Variants in LONRF1 observed in about 807,000 individuals in gnomAD.
LONRF1 encodes the protein LON peptidase N-terminal domain and ring finger 1, also known as LON peptidase N-terminal domain and RING finger protein 1.
A neutral mutation model predicts 85.8 loss-of-function variants in LONRF1; 37 were observed. The observed-to-expected ratio is 0.43, with a 90% CI of 0.33 to 0.57. The LOEUF (loss-of-function observed/expected upper bound fraction) is 0.57. Among genes scored for constraint, LONRF1 ranks in the 20% least tolerant of loss-of-function variants. The probability of loss-of-function intolerance (pLI) is 0.04; values close to 1 mark genes in which losing one functional copy is unlikely to be tolerated. For synonymous variants in LONRF1, 517 were observed against 390.1 expected (o/e 1.33, Z -3.83); for missense variants, 1,036 against 978.0 (o/e 1.06, Z -0.79).
Position 12,736,694 on chromosome 8 carries a change from T to C in LONRF1, c.1451+7A>G, listed in dbSNP as rs1188359181. The C allele has an allele frequency of 4.4e-6, 7 of 1,582,764 alleles. No individual in the cohort carries two copies. Among genetic ancestry groups the C allele is most frequent in the South Asian group, 3.4e-5 (3 of 88,120 alleles). On this transcript the variant is annotated splice_region_variant and intron_variant, in intron 6 of 11. Transcript: ENST00000398246. ...TATTCATCTTCTATAAAGTTTTATA[T>C]GCTTACCTCATGCAGAGAGAACACT...
intron 4 of LONRF1, 110 bp downstream of exon 4, chr8:12,737,885 G>C (rs1467736517): frequency 1.8e-6 from 2 of 1,118,312 alleles, no homozygotes; most frequent in Admixed American, 5.6e-5. Flanking sequence ...TAACTAACCA[G>C]GTTAAAAGTA....
intron 10 of LONRF1, among the ~76,000 whole-genome samples, chr8:12,727,561 T>C (rs1191503153): frequency 1.3e-5 from 2 of 152,162 alleles, no homozygotes; most frequent in Non-Finnish European, 2.9e-5. Context: ...TTTTAGAATG[T>C]GATTCTATTG....
At chr8:12,752,821 C>T (rs915065899) in intron 1 of LONRF1, among the ~76,000 whole-genome samples, 1 of 152,224 alleles carries the variant, frequency 6.6e-6, no homozygotes, top group Non-Finnish European at 1.5e-5. Flanking sequence ...ACTAAATCAG[C>T]AGTACTGTCC....
At chr8:12,745,799 AAT>A (rs1404239991) in intron 1 of LONRF1, among the ~76,000 whole-genome samples, 1 of 152,224 alleles carries the variant, frequency 6.6e-6, no homozygotes, top group Admixed American at 6.5e-5. Context: ...AATTGTATTG[AAT>A]ATGACTGTGG....
chr8:12,742,313 G>GT (rs1056016310), intron 2 of LONRF1, among the ~76,000 whole-genome samples: 3 of 152,202 alleles, frequency 2.0e-5, no homozygotes, highest in Admixed American at 2.0e-4. Flanking sequence ...ACTTAAAAGA[G>GT]TAACTTATAT....
At chr8:12,727,519 G>T (rs1326951869) in intron 10 of LONRF1, among the ~76,000 whole-genome samples, 1 of 151,806 alleles carries the variant, frequency 6.6e-6, no homozygotes, top group African/African-American at 2.4e-5. Flanking sequence ...GGACCAAAGA[G>T]GACTCGTTTA....
chr8:12,742,172 T>C (rs1798958544), intron 2 of LONRF1, among the ~76,000 whole-genome samples: 2 of 152,338 alleles, frequency 1.3e-5, no homozygotes, highest in South Asian at 2.1e-4. Context: ...TTATTCTGAA[T>C]ACATTTACTT....
At chr8:12,753,274 T>C (rs1326507832) in intron 1 of LONRF1, 4 of 152,228 alleles carry the variant, frequency 2.6e-5, no homozygotes, top group Non-Finnish European at 4.4e-5. Flanking sequence ...TAGTTCAATA[T>C]GACTAAGCAC....
intron 1 of LONRF1, among the ~76,000 whole-genome samples, chr8:12,745,321 G>GA (rs36196945): frequency 1.5e-3 from 184 of 122,286 alleles, no homozygotes; most frequent in East Asian, 2.9e-3. Context: ...TATTTTTTTG[G>GA]AAAAAAAAAA....
rs1799592749 is a variant in LONRF1 at position 12,755,198 on chromosome 8, G to C, written c.223C>G (p.Leu75Val). The change falls in exon 1 of 12, where the codon CTG becomes GTG. Residue 75 changes from leucine (L) to valine (V), a missense_variant. This residue lies in a region of LONRF1 where 742 missense variants were observed against 614.4 expected (regional missense o/e 1.21). Coordinates refer to ENST00000398246, the MANE Select transcript of LONRF1 (RefSeq NM_152271.5). Reference protein sequence around the residue: ...KGALEAFAAALRRGAPARPEC... With the variant: ...KGALEAFAAAVRRGAPARPEC... ...GGCCTGGCCGGGGCCCCGCGGCGCA[G>C]CGCCGCCGCGAACGCCTCCAGCGCG... 1.6e-6 allele frequency: 2 copies of C among 1,287,262 alleles called. No individual in the cohort carries two copies. The highest frequency in any genetic ancestry group is 2.5e-5 in the South Asian group (1 of 39,602). 79.7% of individuals were successfully genotyped at this position (1,287,262 alleles called of 1,614,324 possible).
intron 10 of LONRF1, 95 bp downstream of exon 10, chr8:12,728,806 A>T (rs1798418630): frequency 7.2e-7 from 1 of 1,383,276 alleles, no homozygotes; most frequent in East Asian, 2.3e-5. Flanking sequence ...TCTGATAAGA[A>T]CTGGTTCATG....
chr8:12,737,070 G>C lies in LONRF1; in HGVS notation c.1184C>G (p.Ser395Cys), dbSNP rs758982124. 21 of 1,613,590 alleles carry C rather than the reference G, an allele frequency of 1.3e-5. No individual in the cohort carries two copies. Among genetic ancestry groups the C allele is most frequent in the Non-Finnish European group, 1.7e-5 (20 of 1,179,684 alleles). The change falls in exon 5 of 12, where the codon TCT becomes TGT. Residue 395 changes from serine (S) to cysteine (C), a missense_variant. Physicochemically the swap from Ser to Cys is moderately radical, Grantham distance 112. Coordinates refer to ENST00000398246, the MANE Select transcript of LONRF1 (RefSeq NM_152271.5). Reference sequence around the variant, plus strand: ...GGCAGGCATTTCTGTTGAATTTATAGACTGTGCTGACTGAGCACGGTTTAA... The same window carrying C: ...GGCAGGCATTTCTGTTGAATTTATACACTGTGCTGACTGAGCACGGTTTAA... ...GSLNRAQSAQ[S>C]INSTEMPARE...
At chr8:12,753,419 G>A (rs1435373801) in intron 1 of LONRF1, 1 of 152,142 alleles carries the variant, frequency 6.6e-6, no homozygotes, top group African/African-American at 2.4e-5. Flanking sequence ...TCATGCCAAT[G>A]GATAGACACT....
Position 12,738,053 on chromosome 8 carries a change from A to T in LONRF1, c.1055T>A (p.Phe352Tyr). Residue 352 changes from phenylalanine (F) to tyrosine (Y), a missense_variant, in exon 4 of 12, where the codon TTT (phenylalanine) becomes TAT (tyrosine). Physicochemically the swap from Phe to Tyr is conservative, Grantham distance 22. This residue lies in a region of LONRF1 where 742 missense variants were observed against 614.4 expected (regional missense o/e 1.21). Transcript: ENST00000398246. ...CTCTTCCATCACTGAATGAAAATCA[A>T]AAGGTCTGTTTTTAGTACATGGTAA... is the stretch of plus-strand genomic sequence containing the variant. Reference protein sequence around the residue: ...SSLPCTKNRPFDFHSVMEESQ... With the variant: ...SSLPCTKNRPYDFHSVMEESQ... The T allele has an allele frequency of 1.2e-6, 2 of 1,610,740 alleles. No homozygotes were observed. Among genetic ancestry groups the T allele is most frequent in the Non-Finnish European group, 1.7e-6 (2 of 1,178,580 alleles).
Position 12,725,759 on chromosome 8 carries a change from C to T in LONRF1, c.2131G>A (p.Gly711Arg), listed in dbSNP as rs1335792135. Residue 711 changes from glycine to arginine, a missense_variant, in exon 11 of 12, where the codon GGA (glycine) becomes AGA (arginine). This residue lies in a region of LONRF1 where 265 missense variants were observed against 301.5 expected (regional missense o/e 0.88). Coordinates refer to ENST00000398246, the MANE Select transcript of LONRF1 (RefSeq NM_152271.5). ...TTTTCCTCCCTCTCGGGCATTGATC[C>T]GAAATGCTGAAGAATTTGGCTTCGA... ...RFRSQILQHF[G>R]SMPEREENLQ... 5 of 1,613,156 alleles carry T rather than the reference C, an allele frequency of 3.1e-6. No homozygotes were observed. Among genetic ancestry groups the T allele is most frequent in the South Asian group, 1.1e-5 (1 of 91,014 alleles).
intron 1 of LONRF1, among the ~76,000 whole-genome samples, chr8:12,745,712 T>C (rs1200378910): frequency 6.6e-6 from 1 of 152,228 alleles, no homozygotes; most frequent in Non-Finnish European, 1.5e-5. Context: ...TTTTCCATTT[T>C]TGAAATCGAC....
intron 1 of LONRF1, among the ~76,000 whole-genome samples, chr8:12,745,938 A>G (rs1340698786): frequency 6.6e-6 from 1 of 152,010 alleles, no homozygotes; most frequent in Admixed American, 6.6e-5. Context: ...TTTAGTCCTG[A>G]TTTTTCACCC....
At chr8:12,723,450 C>G (rs1257454772) in intron 11 of LONRF1, among the ~76,000 whole-genome samples, 196 bp from the exon 12 acceptor site, 7 of 152,224 alleles carry the variant, frequency 4.6e-5, no homozygotes, top group Admixed American at 4.6e-4. Flanking sequence ...TGTCCAAGAT[C>G]TCTTGGCTCT....
chr8:12,747,454 C>G (rs569330755), intron 1 of LONRF1, among the ~76,000 whole-genome samples: 1 of 152,252 alleles, frequency 6.6e-6, no homozygotes, highest in African/African-American at 2.4e-5. Flanking sequence ...TAAAAACTAT[C>G]TTTTACCCAT....
Sources: allele counts gnomAD v4.1 joint callset (sites outside exome capture counted in the v4.1 genomes callset), GRCh38; gene constraint gnomAD v4.1.1; regional missense constraint gnomAD v4.1.1; transcripts MANE v1.5; gene names NCBI Gene and HGNC (gene_info 2026-07-23, HGNC 2026-07-21).